Variants in ADGRE3 observed in about 807,000 individuals in gnomAD.
ADGRE3 encodes the protein EGF-like module receptor 3.
A neutral mutation model predicts 80.1 loss-of-function variants in ADGRE3; 88 were observed. The observed-to-expected ratio is 1.10, with a 90% confidence interval of 0.93 to 1.31. The LOEUF (loss-of-function observed/expected upper bound fraction) is 1.31, where lower values mean the gene tolerates loss of function less well. Among genes scored for constraint, ADGRE3 ranks in the 40% most tolerant of loss-of-function variants. The probability of loss-of-function intolerance (pLI) is 0.00; values close to 1 mark genes in which losing one functional copy is unlikely to be tolerated. For missense variants in ADGRE3, 715 were observed against 776.5 expected (o/e 0.92, Z 0.94); for synonymous variants, 281 against 294.8 (o/e 0.95, Z 0.48).
chr19:14,662,184 C>A, intron 3 of ADGRE3, 66 bp from the exon 4 acceptor site: 1 of 1,527,054 alleles, frequency 6.5e-7, no homozygotes, highest in Non-Finnish European at 9.0e-7. Flanking sequence ...TACTATGTGT[C>A]AGGAGTTGTG....
At chr19:14,613,695 AT>A in the ADGRE3 span, among the ~76,000 whole-genome samples, 25 of 151,348 alleles carry the variant, frequency 1.7e-4, no homozygotes, top group South Asian at 3.6e-3. Context: ...TATTAAAAAA[AT>A]TTTTTTTGAG....
intron 8 of ADGRE3, among the ~76,000 whole-genome samples, chr19:14,646,458 C>G (rs1971401759): frequency 6.6e-6 from 1 of 150,668 alleles, no homozygotes; most frequent in Non-Finnish European, 1.5e-5. Context: ...TTAATTTATA[C>G]ATTATAATTG....
intron 12 of ADGRE3, 96 bp downstream of exon 12, chr19:14,633,140 C>T (rs1970931487): frequency 7.5e-7 from 1 of 1,327,144 alleles, no homozygotes; most frequent in South Asian, 1.2e-5. Context: ...AAAATCAAAC[C>T]ACCCAACAGT....
At chr19:14,668,408 C>T (rs925727343) in intron 2 of ADGRE3, among the ~76,000 whole-genome samples, 4 of 151,780 alleles carry the variant, frequency 2.6e-5, no homozygotes, top group Admixed American at 2.6e-4. Context: ...GAGAGAGAGT[C>T]CCAGGGGAAT....
chr19:14,668,938 A>T, intron 1 of ADGRE3, 86 bp from the exon 2 acceptor site: 2 of 1,287,884 alleles, frequency 1.6e-6, no homozygotes, highest in Non-Finnish European at 2.2e-6. Flanking sequence ...TGTATCAGTT[A>T]TCTATCACTG....
chr19:14,648,087 C>CAAAAAAAA (rs60371636), intron 7 of ADGRE3, among the ~76,000 whole-genome samples: 6 of 108,330 alleles, frequency 5.5e-5, no homozygotes, highest in East Asian at 2.8e-4. Context: ...ATCTCAAAGA[C>CAAAAAAAA]AAAAAAAAAA....
chr19:14,616,038 T>G (rs979475707), downstream of ADGRE3, among the ~76,000 whole-genome samples: 2 of 151,734 alleles, frequency 1.3e-5, no homozygotes, highest in African/African-American at 4.8e-5. Context: ...TTCAAGTGAT[T>G]CTTCTGCCTC....
At chr19:14,636,057 C>CTTTCCT (rs372605470) in intron 11 of ADGRE3, among the ~76,000 whole-genome samples, 2,590 of 63,548 alleles carry the variant, frequency 0.041, 315 homozygotes, top group East Asian at 0.15. Flanking sequence ...TCCTTCCTTC[C>CTTTCCT]TTCCTTTCCT....
intron 8 of ADGRE3, 62 bp from the exon 9 acceptor site, chr19:14,644,337 TGGAGACAAAATCTTGC>T: frequency 8.3e-7 from 1 of 1,211,660 alleles, no homozygotes; most frequent in Non-Finnish European, 1.1e-6. Context: ...TTTTTTTTTT[TGGAGACAAAATCTTGC>T]TTTGTTACTC....
chr19:14,672,187 C>G (rs1015885309), intron 1 of ADGRE3, among the ~76,000 whole-genome samples: 5 of 152,198 alleles, frequency 3.3e-5, no homozygotes, highest in African/African-American at 4.8e-5. Context: ...GGGGGACCAT[C>G]ATGTTTCCTT....
chr19:14,643,629 T>C (rs1187727307), intron 9 of ADGRE3, among the ~76,000 whole-genome samples: 1 of 152,198 alleles, frequency 6.6e-6, no homozygotes, highest in East Asian at 1.9e-4. Context: ...ATGAACTGCA[T>C]CTGTGTGACT....
intron 15 of ADGRE3, among the ~76,000 whole-genome samples, chr19:14,624,913 G>A (rs1970694106): frequency 6.6e-6 from 1 of 152,066 alleles, no homozygotes; most frequent in Non-Finnish European, 1.5e-5. Flanking sequence ...ACTCACTGGG[G>A]CCTGTTAGGG....
At chr19:14,666,352 G>A (rs939875649) in intron 2 of ADGRE3, among the ~76,000 whole-genome samples, 4 of 146,796 alleles carry the variant, frequency 2.7e-5, no homozygotes, top group African/African-American at 1.0e-4. Context: ...TAGTGATGTT[G>A]AGCATTTTTT....
At chr19:14,621,044 A>T (rs1035397980) in intron 15 of ADGRE3, among the ~76,000 whole-genome samples, 2 of 150,328 alleles carry the variant, frequency 1.3e-5, no homozygotes, top group African/African-American at 4.9e-5. Context: ...TTTGAGACAG[A>T]GTTTCATTCT....
chr19:14,648,159 T>A (rs117085954), intron 7 of ADGRE3, among the ~76,000 whole-genome samples: 31 of 151,966 alleles, frequency 2.0e-4, no homozygotes, highest in Non-Finnish European at 3.7e-4. Context: ...CTTCAAAGTC[T>A]GGTAACACTG....
chr19:14,607,085 G>T, the ADGRE3 span: 1 of 1,315,692 alleles, frequency 7.6e-7, no homozygotes, highest in South Asian at 2.2e-5. Flanking sequence ...GGCTGGATGG[G>T]TCTCCTGTGA....
chr19:14,632,090 GA>G (rs1406886979), intron 13 of ADGRE3, among the ~76,000 whole-genome samples: 1 of 152,006 alleles, frequency 6.6e-6, no homozygotes, highest in Non-Finnish European at 1.5e-5. Context: ...GATTCTTATT[GA>G]ACCTATCACA....
intron 8 of ADGRE3, among the ~76,000 whole-genome samples, chr19:14,644,892 A>G (rs1971357003): frequency 6.6e-6 from 1 of 151,554 alleles, no homozygotes; most frequent in South Asian, 2.1e-4. Context: ...TGCCCAGCTA[A>G]CTTTTGTATT....
At chr19:14,624,663 G>A (rs1424205521) in intron 15 of ADGRE3, among the ~76,000 whole-genome samples, 2 of 151,728 alleles carry the variant, frequency 1.3e-5, no homozygotes, top group African/African-American at 4.8e-5. Flanking sequence ...GCTGAGATGG[G>A]AGGATTGCTT....
Sources: gnomAD v4.1 joint callset for allele counts (sites outside exome capture counted in the v4.1 genomes callset) on GRCh38, gnomAD v4.1.1 for gene constraint, MANE v1.5 for transcripts, NCBI Gene and HGNC (gene_info 2026-07-23, HGNC 2026-07-21) for gene names.